Variants in ROBO1 observed in about 807,000 individuals in gnomAD.
ROBO1 encodes roundabout homolog 1.
Under a neutral mutation model 195.9 loss-of-function variants are expected in ROBO1, and 149 were observed. That is an observed-to-expected ratio of 0.76 (90% CI 0.67 to 0.87). The LOEUF is 0.87. Ranked by LOEUF, ROBO1 falls within the 40% of genes least tolerant of loss-of-function variation. The pLI is 0.00. For synonymous variants in ROBO1, 816 were observed against 733.2 expected (o/e 1.11, Z -1.82); for missense variants, 1,933 against 2,068.3 (o/e 0.93, Z 1.27).
At chr3:79,330,342 C>T (rs1024577594) in intron 2 of ROBO1, among the ~76,000 whole-genome samples, 7 of 147,678 alleles carry the variant, frequency 4.7e-5, no homozygotes, top group Non-Finnish European at 1.0e-4. Flanking sequence ...TAAAACATCC[C>T]AACAATTCTT....
intron 3 of ROBO1, among the ~76,000 whole-genome samples, chr3:79,065,905 A>C (rs2078995339): frequency 6.6e-6 from 1 of 152,040 alleles, no homozygotes; most frequent in South Asian, 2.1e-4. Flanking sequence ...CTATTTAAAA[A>C]CGTACAATTA....
At chr3:78,855,550 A>G (rs1228093191) in intron 4 of ROBO1, among the ~76,000 whole-genome samples, 1 of 152,222 alleles carries the variant, frequency 6.6e-6, no homozygotes, top group Non-Finnish European at 1.5e-5. Context: ...ATTTTATATC[A>G]TAAGTATTCA....
At chr3:78,902,831 C>T (rs1576371790) in intron 4 of ROBO1, among the ~76,000 whole-genome samples, 2 of 151,894 alleles carry the variant, frequency 1.3e-5, no homozygotes, top group Non-Finnish European at 2.9e-5. Context: ...GTGACAAAGG[C>T]GAAACTCCAC....
At chr3:79,328,951 A>G (rs73125241) in intron 2 of ROBO1, among the ~76,000 whole-genome samples, 16,031 of 152,116 alleles carry the variant, frequency 0.11, 864 homozygotes, top group Middle Eastern at 0.14. Flanking sequence ...AAACTGAATG[A>G]GGTTTGAGAT....
At chr3:79,054,386 T>A (rs142289085) in intron 3 of ROBO1, among the ~76,000 whole-genome samples, 1 of 152,270 alleles carries the variant, frequency 6.6e-6, no homozygotes, top group Non-Finnish European at 1.5e-5. Flanking sequence ...ATGAGAGTGC[T>A]CAAGGTATTC....
At chr3:78,641,077 C>A (rs1705916206) in intron 21 of ROBO1, among the ~76,000 whole-genome samples, 1 of 151,670 alleles carries the variant, frequency 6.6e-6, no homozygotes, top group Non-Finnish European at 1.5e-5. Flanking sequence ...AAATATTTAC[C>A]CTTTGCTTAT....
At chr3:78,855,247 G>C (rs1456713169) in intron 4 of ROBO1, among the ~76,000 whole-genome samples, 1 of 152,104 alleles carries the variant, frequency 6.6e-6, no homozygotes, top group Non-Finnish European at 1.5e-5. Flanking sequence ...TTTGTAGTTC[G>C]ACTATTCAAA....
chr3:79,454,131 C>CTTT (rs11370962), intron 2 of ROBO1, among the ~76,000 whole-genome samples: 2 of 141,902 alleles, frequency 1.4e-5, no homozygotes, highest in Non-Finnish European at 3.1e-5. Flanking sequence ...AATTTCATTC[C>CTTT]TTTTTTTTTT....
intron 3 of ROBO1, among the ~76,000 whole-genome samples, chr3:79,122,229 T>C (rs905723603): frequency 5.3e-5 from 8 of 152,010 alleles, no homozygotes; most frequent in Non-Finnish European, 1.0e-4. Context: ...AACTGTTAAA[T>C]AACCCCCAAT....
intron 10 of ROBO1, among the ~76,000 whole-genome samples, chr3:78,680,979 C>T (rs1481221556): frequency 5.3e-5 from 8 of 151,312 alleles, no homozygotes; most frequent in African/African-American, 1.5e-4. Context: ...GTGGCACATA[C>T]ACACCATGGA....
chr3:79,416,776 C>T (rs1028610277), intron 2 of ROBO1, among the ~76,000 whole-genome samples: 1 of 152,124 alleles, frequency 6.6e-6, no homozygotes, highest in Non-Finnish European at 1.5e-5. Flanking sequence ...GGCGAGGCAT[C>T]TCCATGCCAT....
At chr3:79,093,264 G>A (rs1427765758) in intron 3 of ROBO1, among the ~76,000 whole-genome samples, 1 of 152,104 alleles carries the variant, frequency 6.6e-6, no homozygotes, top group African/African-American at 2.4e-5. Context: ...AGTTTACTGT[G>A]GAACTGAATG....
chr3:79,447,770 C>T (rs1485858457), intron 2 of ROBO1, among the ~76,000 whole-genome samples: 2 of 150,502 alleles, frequency 1.3e-5, no homozygotes, highest in Admixed American at 1.3e-4. Flanking sequence ...CTATTCCTAA[C>T]CAGTATGTAA....
At chr3:79,166,560 CTT>C (rs968334923) in intron 2 of ROBO1, among the ~76,000 whole-genome samples, 12 of 135,042 alleles carry the variant, frequency 8.9e-5, no homozygotes, top group Admixed American at 2.2e-4. Flanking sequence ...TTCTATTTTT[CTT>C]TTTTTTTTTT....
chr3:79,755,348 C>A (rs10511121), intron 1 of ROBO1, among the ~76,000 whole-genome samples: 5,580 of 152,022 alleles, frequency 0.037, 350 homozygotes, highest in African/African-American at 0.13. Flanking sequence ...CATGGAAACC[C>A]ATCTACAAGC....
intron 1 of ROBO1, among the ~76,000 whole-genome samples, chr3:79,674,505 T>C (rs958783362): frequency 1.6e-4 from 24 of 151,938 alleles, no homozygotes; most frequent in Non-Finnish European, 3.1e-4. Context: ...CCCATACTTA[T>C]ACAGTACTGA....
chr3:79,257,445 C>T (rs1016755374), intron 2 of ROBO1, among the ~76,000 whole-genome samples: 2 of 152,018 alleles, frequency 1.3e-5, no homozygotes, highest in African/African-American at 4.8e-5. Context: ...CTGGAATTCC[C>T]ACTCTTTTAG....
intron 4 of ROBO1, among the ~76,000 whole-genome samples, chr3:78,894,377 T>G (rs530004253): frequency 6.6e-6 from 1 of 152,300 alleles, no homozygotes; most frequent in African/African-American, 2.4e-5. Context: ...ACTGAATACT[T>G]TTCAAATACC....
intron 1 of ROBO1, among the ~76,000 whole-genome samples, chr3:79,708,264 A>G (rs1454914386): frequency 1.3e-5 from 2 of 152,138 alleles, no homozygotes; most frequent in Admixed American, 1.3e-4. Context: ...TTCTTTACAG[A>G]CTGAGAAGAT....
Sources: allele counts gnomAD v4.1 joint callset (sites outside exome capture counted in the v4.1 genomes callset), GRCh38; gene constraint gnomAD v4.1.1; transcripts MANE v1.5; gene names NCBI Gene and HGNC (gene_info 2026-07-23, HGNC 2026-07-21).